The following GLT8D2 variants were observed in gnomAD, a reference collection of about 807,000 sequenced individuals.
The protein encoded by GLT8D2 is glycosyltransferase 8 domain-containing protein 2.
Under a neutral mutation model 44.5 loss-of-function variants are expected in GLT8D2, and 45 were observed. That is an observed-to-expected ratio of 1.01 (90% CI 0.80 to 1.30). GLT8D2 has a LOEUF of 1.30. Ranked by LOEUF, GLT8D2 falls within the 50% of genes most tolerant of loss-of-function variation. The pLI, the probability that GLT8D2 is intolerant of heterozygous loss-of-function variation, is 0.00. For missense variants in GLT8D2, 400 were observed against 430.4 expected (o/e 0.93, Z 0.62); for synonymous variants, 156 against 157.2 (o/e 0.99, Z 0.06).
intron 10 of GLT8D2, among the ~76,000 whole-genome samples, chr12:103,990,078 AATATATATATATATATATAT>A (rs57178471): frequency 0.042 from 5,107 of 122,196 alleles, 184 homozygotes; most frequent in East Asian, 0.12. Flanking sequence ...TATGTGTACA[AATATATATATATATATATAT>A]ATATATATAT....
chr12:104,035,709 T>C (rs1312611589), intron 1 of GLT8D2, among the ~76,000 whole-genome samples: 1 of 152,160 alleles, frequency 6.6e-6, no homozygotes, highest in Non-Finnish European at 1.5e-5. Context: ...TACCTGAAAG[T>C]GACGGGGAGA....
chr12:104,062,117 A>C (rs1304590287), intron 1 of GLT8D2, among the ~76,000 whole-genome samples: 1 of 151,918 alleles, frequency 6.6e-6, no homozygotes, highest in African/African-American at 2.4e-5. Flanking sequence ...CTTGTTGCCC[A>C]GGCTGGAGTG....
chr12:103,990,041 T>A (rs1175550268), intron 10 of GLT8D2, among the ~76,000 whole-genome samples: 1 of 146,562 alleles, frequency 6.8e-6, no homozygotes, highest in African/African-American at 2.5e-5. Context: ...AACACAGCAA[T>A]GAGCAGCCCT....
At chr12:103,995,425 G>A (rs998154281) in intron 8 of GLT8D2, among the ~76,000 whole-genome samples, 2 of 152,124 alleles carry the variant, frequency 1.3e-5, no homozygotes, top group East Asian at 1.9e-4. Flanking sequence ...TGTTCTTCCC[G>A]CTTCCTGGAG....
Position 103,990,133 on chromosome 12 carries a change from A to ATC in GLT8D2, c.881-557_881-556insGA, listed in dbSNP as rs1170333665. On this transcript the variant is annotated intron_variant, in intron 10 of 10. Coordinates refer to ENST00000360814, the MANE Select transcript of GLT8D2 (RefSeq NM_001384711.1). Reference sequence around the variant, plus strand: ...TATATATATATATATATATATATATATGTAGGATAAAATATTGTAGGTGGA... The same window carrying ATC: ...TATATATATATATATATATATATATATCTGTAGGATAAAATATTGTAGGTGGA... Among the ~76,000 whole-genome samples, 414 of 136,288 alleles carry ATC rather than the reference A, an allele frequency of 3.0e-3. 24 individuals are homozygous for ATC. The highest frequency in any genetic ancestry group is 5.0e-3 in the Non-Finnish European group (314 of 62,474). 89.4% of individuals were successfully genotyped at this position (136,288 alleles called of 152,430 possible). A position where few individuals can be genotyped will look rare whatever the true frequency, so the allele number is the denominator to read the frequency against.
At chr12:103,998,823 AAGCACG>A (rs1873831855) in intron 6 of GLT8D2, among the ~76,000 whole-genome samples, 1 of 152,174 alleles carries the variant, frequency 6.6e-6, no homozygotes, top group South Asian at 2.1e-4. Flanking sequence ...CTGGGATTAC[AAGCACG>A]AGCCAGCACG....
chr12:104,057,091 G>C (rs561072970), intron 1 of GLT8D2, among the ~76,000 whole-genome samples: 1 of 152,210 alleles, frequency 6.6e-6, no homozygotes, highest in Admixed American at 6.5e-5. Flanking sequence ...CATCCAGAGA[G>C]ACTTAGTAAA....
chr12:104,026,212 G>C (rs1161515998), intron 1 of GLT8D2, among the ~76,000 whole-genome samples: 1 of 151,370 alleles, frequency 6.6e-6, no homozygotes, highest in African/African-American at 2.4e-5. Context: ...CTGCGAGAAG[G>C]GGGTTGCAGT....
chr12:104,045,871 A>AAAAAG (rs1181195929), intron 1 of GLT8D2, among the ~76,000 whole-genome samples: 2 of 150,894 alleles, frequency 1.3e-5, no homozygotes, highest in African/African-American at 2.4e-5. Context: ...GATTCAGTTA[A>AAAAAG]AAAAGAAAAG....
At chr12:104,013,535 A>G (rs1343581837) in intron 4 of GLT8D2, among the ~76,000 whole-genome samples, 1 of 152,202 alleles carries the variant, frequency 6.6e-6, no homozygotes, top group Non-Finnish European at 1.5e-5. Flanking sequence ...CTTTGTATGA[A>G]AATCATTCTC....
At chr12:104,048,250 C>G (rs1450431207) in intron 1 of GLT8D2, among the ~76,000 whole-genome samples, 1 of 152,176 alleles carries the variant, frequency 6.6e-6, no homozygotes, top group Non-Finnish European at 1.5e-5. Context: ...AGAGTGTGCT[C>G]CTAGAAATGT....
chr12:104,000,525 C>T (rs546864803), intron 5 of GLT8D2, among the ~76,000 whole-genome samples: 1 of 152,000 alleles, frequency 6.6e-6, no homozygotes, highest in East Asian at 1.9e-4. Flanking sequence ...TTTTGGGATT[C>T]TACTTCAATG....
rs760917320 is a variant in GLT8D2 at position 103,994,463 on chromosome 12, G to A, written c.639C>T (p.Ala213=). The change falls in exon 9 of 11, where the codon GCC becomes GCT. Residue 213 remains alanine, a synonymous_variant. Transcript: ENST00000360814. ...TGGGGCTGATGCCAAGGTCCTTGATGGCCTTCTTCCGGTAGTCCAGATAGC... is the reference window on the plus strand; with the variant it reads ...TGGGGCTGATGCCAAGGTCCTTGATAGCCTTCTTCCGGTAGTCCAGATAGC... The part of the protein sequence containing the change: ...YMGYLDYRKK[A]IKDLGISPST... 3 of 1,614,048 alleles carry A rather than the reference G, an allele frequency of 1.9e-6. No homozygotes were observed. The highest frequency in any genetic ancestry group is 2.5e-6 in the Non-Finnish European group (3 of 1,179,948).
intron 3 of GLT8D2, among the ~76,000 whole-genome samples, chr12:104,018,788 G>T (rs1245077566): frequency 6.6e-6 from 1 of 152,136 alleles, no homozygotes; most frequent in Admixed American, 6.5e-5. Context: ...ATTATTTGTT[G>T]TTTATCTGAA....
At chr12:104,029,713 A>T (rs1271421310) in intron 1 of GLT8D2, 1 of 152,258 alleles carries the variant, frequency 6.6e-6, no homozygotes, top group African/African-American at 2.4e-5. Context: ...CTTGGCAAAC[A>T]GTTGGAACCC....
At chr12:104,003,078 GGGAA>G in intron 5 of GLT8D2, 53 bp downstream of exon 5, 2 of 1,373,044 alleles carry the variant, frequency 1.5e-6, no homozygotes, top group Non-Finnish European at 2.1e-6. Context: ...GAGGGAGGGA[GGGAA>G]GGAGAGAGGG....
chr12:104,012,185 A>ATATAT (rs1457476166), intron 4 of GLT8D2, among the ~76,000 whole-genome samples: 1,495 of 84,748 alleles, frequency 0.018, 4 homozygotes, highest in Non-Finnish European at 0.029. Flanking sequence ...AAAAAAAAAA[A>ATATAT]AAAAATATAT....
chr12:104,010,465 C>T (rs773735790), intron 4 of GLT8D2, among the ~76,000 whole-genome samples: 27 of 152,340 alleles, frequency 1.8e-4, no homozygotes, highest in Middle Eastern at 6.8e-3. Flanking sequence ...TAAATTAACA[C>T]GCACCTTCTC....
At chr12:104,012,659 A>G (rs1876024823) in intron 4 of GLT8D2, 1 of 515,048 alleles carries the variant, frequency 1.9e-6, no homozygotes, top group African/African-American at 2.0e-5. Context: ...AGAACAGTTT[A>G]TTGAGGTGTA....
Sources: allele counts gnomAD v4.1 joint callset (sites outside exome capture counted in the v4.1 genomes callset), GRCh38; gene constraint gnomAD v4.1.1; transcripts MANE v1.5; gene names NCBI Gene and HGNC (gene_info 2026-07-23, HGNC 2026-07-21).